Variants in AGAP1 observed in about 807,000 individuals in gnomAD.
AGAP1 encodes arf-GAP with GTPase, ANK repeat and PH domain-containing protein 1.
Under a neutral mutation model 105.3 loss-of-function variants are expected in AGAP1, and 29 were observed. That is an observed-to-expected ratio of 0.28 (90% CI 0.21 to 0.38). The LOEUF is 0.38. Ranked by LOEUF, AGAP1 falls within the 10% of genes least tolerant of loss-of-function variation. The pLI is 1.00. For synonymous variants in AGAP1, 509 were observed against 485.9 expected (o/e 1.05, Z -0.63); for missense variants, 998 against 1,165.1 (o/e 0.86, Z 2.09).
chr2:235,528,155 T>G (rs1160633306), intron 1 of AGAP1, among the ~76,000 whole-genome samples: 3 of 152,176 alleles, frequency 2.0e-5, no homozygotes, highest in Admixed American at 1.3e-4. Context: ...TTGCATTAAC[T>G]CCAGAAAGTT....
chr2:236,008,283 G>T lies in AGAP1; in HGVS notation c.1646-28278G>T, dbSNP rs1451329351. 5.3e-5 allele frequency among the ~76,000 whole-genome samples: 8 copies of T among 152,208 alleles called. No homozygotes were observed. In the East Asian group the frequency reaches 1.3e-3, roughly 26 times the overall value. On this transcript the variant is annotated intron_variant, in intron 13 of 17. Coordinates refer to ENST00000304032, the MANE Select transcript of AGAP1 (RefSeq NM_001037131.3). ...TGTCATATACCCAGAAGTAGGGGAA[G>T]CCCAGGAGCCATGGAGCCTCAGTGT... is the stretch of plus-strand genomic sequence containing the variant.
At chr2:235,630,966 G>A (rs1281137904) in intron 1 of AGAP1, among the ~76,000 whole-genome samples, 1 of 152,212 alleles carries the variant, frequency 6.6e-6, no homozygotes, top group Non-Finnish European at 1.5e-5. Flanking sequence ...CACGAGAGGG[G>A]CAGATTGCGG....
chr2:235,552,124 T>A lies in AGAP1; in HGVS notation c.163+57275T>A, dbSNP rs918941971. On this transcript the variant is annotated intron_variant, in intron 1 of 17. Transcript: ENST00000304032. The surrounding 1 kb of genome is among the most constrained non-coding windows in gnomAD (Gnocchi z 5.9). Reference sequence around the variant, plus strand: ...AACTGGCCGCGGTACTGCCACCCGCTGGAAGGGGCCTGCAGGGAAGTGTTT... The same window carrying A: ...AACTGGCCGCGGTACTGCCACCCGCAGGAAGGGGCCTGCAGGGAAGTGTTT... Among the ~76,000 whole-genome samples the A allele has an allele frequency of 1.3e-5, 2 of 152,142 alleles. No individual in the cohort carries two copies. Among genetic ancestry groups the A allele is most frequent in the Non-Finnish European group, 2.9e-5 (2 of 68,022 alleles).
chr2:235,709,149 T>C (rs1197869489), intron 1 of AGAP1, 30 bp from the exon 2 acceptor site: 7 of 1,612,228 alleles, frequency 4.3e-6, no homozygotes, highest in Admixed American at 1.7e-5. Context: ...TGAGTTATGG[T>C]GTCTGACTTT....
intron 6 of AGAP1, among the ~76,000 whole-genome samples, chr2:235,758,125 A>AGT: frequency 6.6e-6 from 1 of 151,026 alleles, no homozygotes; most frequent in East Asian, 1.9e-4. Flanking sequence ...GATTGGAACT[A>AGT]GTGTGTGTGT....
At chr2:235,922,795 A>G (rs770398559) in intron 11 of AGAP1, among the ~76,000 whole-genome samples, 2 of 152,250 alleles carry the variant, frequency 1.3e-5, no homozygotes, top group Non-Finnish European at 2.9e-5. Context: ...ACTGATATTC[A>G]TTCAGATATA....
intron 1 of AGAP1, among the ~76,000 whole-genome samples, chr2:235,592,873 C>G (rs1945397728): frequency 6.6e-6 from 1 of 152,114 alleles, no homozygotes; most frequent in Admixed American, 6.5e-5. Context: ...GGATCAGCTG[C>G]TGCACAGTTT....
At position 235,553,242 on chromosome 2, in the gene AGAP1, A is replaced by G. The variant is rs1938524521; in HGVS notation, c.163+58393A>G. On this transcript the variant is annotated intron_variant, in intron 1 of 17. Transcript: ENST00000304032. This position sits in a 1 kb window ranked among gnomAD's most constrained non-coding sequence, Gnocchi z 4.5. ...AGTCAGTACAGATTTTAGGCTTTTT[A>G]TATTAAGGGCTGGGGGAAGAGGAGG... 6.7e-6 allele frequency among the ~76,000 whole-genome samples: 1 copy of G among 150,260 alleles called. No individual in the cohort carries two copies. The highest frequency in any genetic ancestry group is 6.6e-5 in the Admixed American group (1 of 15,100).
chr2:235,796,846 T>TTC (rs1957265469), intron 6 of AGAP1, among the ~76,000 whole-genome samples: 1 of 152,232 alleles, frequency 6.6e-6, no homozygotes, highest in African/African-American at 2.4e-5. Flanking sequence ...CACACATCTA[T>TTC]TCAAATCAAA....
rs778413552 is a variant in AGAP1 at position 235,936,340 on chromosome 2, C to T, written c.1483+5417C>T. Among the ~76,000 whole-genome samples, 51 of 152,210 alleles carry T rather than the reference C, an allele frequency of 3.4e-4. No homozygotes were observed. The highest frequency in any genetic ancestry group is 4.1e-4 in the South Asian group (2 of 4,828). On this transcript the variant is annotated intron_variant, in intron 12 of 17. Transcript: ENST00000304032. The surrounding 1 kb of genome is among the most constrained non-coding windows in gnomAD (Gnocchi z 4.7). ...TGTATGCTCTGGTCCCTGTTTCCTT[C>T]TGGCCACGTAATCATTATATCTTTC...
Position 235,769,127 on chromosome 2 carries a change from C to T in AGAP1, c.673+18639C>T, listed in dbSNP as rs1955214542. Among the ~76,000 whole-genome samples, 1 of 152,010 alleles carries T rather than the reference C, an allele frequency of 6.6e-6. No homozygotes were observed. Among genetic ancestry groups the T allele is most frequent in the Admixed American group, 6.6e-5 (1 of 15,264 alleles). Reference sequence around the variant, plus strand: ...ATATTTTGTTTTCCTGGGTATTTTCCCTCTTCTGGGTTCTTAGTGCCCGTC... The same window carrying T: ...ATATTTTGTTTTCCTGGGTATTTTCTCTCTTCTGGGTTCTTAGTGCCCGTC... On this transcript the variant is annotated intron_variant, in intron 6 of 17. Transcript: ENST00000304032. This position sits in a 1 kb window ranked among gnomAD's most constrained non-coding sequence, Gnocchi z 4.4.
rs1486968814 is a variant in AGAP1 at position 235,753,404 on chromosome 2, CATT to C, written c.673+2919_673+2921del. On this transcript the variant is annotated intron_variant, in intron 6 of 17. Coordinates refer to ENST00000304032, the MANE Select transcript of AGAP1 (RefSeq NM_001037131.3). The surrounding 1 kb of genome is among the most constrained non-coding windows in gnomAD (Gnocchi z 4.5). ...TCGTATTATAGAAATAATACACTCTCATTATGTATTCGGATTTTGGCTGGGCGC... is the reference window on the plus strand; with the variant it reads ...TCGTATTATAGAAATAATACACTCTCATGTATTCGGATTTTGGCTGGGCGC... Among the ~76,000 whole-genome samples the C allele has an allele frequency of 6.6e-6, 1 of 152,102 alleles. No homozygotes were observed. Among genetic ancestry groups the C allele is most frequent in the African/African-American group, 2.4e-5 (1 of 41,410 alleles).
chr2:235,581,746 A>T (rs1335231446), intron 1 of AGAP1, among the ~76,000 whole-genome samples: 2 of 152,172 alleles, frequency 1.3e-5, no homozygotes, highest in African/African-American at 2.4e-5. Flanking sequence ...TGGAGGTTGC[A>T]GTGAGCCGAG....
chr2:235,735,497 A>G (rs940595761), intron 3 of AGAP1, among the ~76,000 whole-genome samples: 1 of 152,124 alleles, frequency 6.6e-6, no homozygotes, highest in African/African-American at 2.4e-5. Flanking sequence ...CAGCACCCCA[A>G]ATTTAAAACT....
intron 6 of AGAP1, among the ~76,000 whole-genome samples, chr2:235,791,365 G>T (rs1956964190): frequency 6.6e-6 from 1 of 151,950 alleles, no homozygotes; most frequent in Admixed American, 6.6e-5. Flanking sequence ...TTTATGGGAG[G>T]GTCTCCAGGT....
rs1575496782 is a variant in AGAP1 at position 235,799,747 on chromosome 2, A to C, written c.957+225A>C. Among the ~76,000 whole-genome samples the C allele has an allele frequency of 1.3e-5, 2 of 152,178 alleles. No individual in the cohort carries two copies. The highest frequency in any genetic ancestry group is 3.8e-4 in the East Asian group (2 of 5,198). Reference sequence around the variant, plus strand: ...AGACATTCCTGACTTCGTGTGTCTGAAATGAAGAGCTGGGGGTGTGTATAA... The same window carrying C: ...AGACATTCCTGACTTCGTGTGTCTGCAATGAAGAGCTGGGGGTGTGTATAA... On this transcript the variant is annotated intron_variant, in intron 8 of 17. Coordinates refer to ENST00000304032, the MANE Select transcript of AGAP1 (RefSeq NM_001037131.3). This position sits in a 1 kb window ranked among gnomAD's most constrained non-coding sequence, Gnocchi z 5.0.
chr2:235,512,213 T>G (rs1942177141), intron 1 of AGAP1, among the ~76,000 whole-genome samples: 1 of 152,234 alleles, frequency 6.6e-6, no homozygotes, highest in Non-Finnish European at 1.5e-5. Flanking sequence ...GCATCTTGTT[T>G]GGGAGTTTGG....
At chr2:235,894,168 C>T (rs2050685091) in intron 10 of AGAP1, among the ~76,000 whole-genome samples, 1 of 152,174 alleles carries the variant, frequency 6.6e-6, no homozygotes, top group South Asian at 2.1e-4. Flanking sequence ...CTGTTTTAGG[C>T]AAATGGGAAT....
Position 235,662,447 on chromosome 2 carries a change from G to C in AGAP1, c.164-46732G>C, listed in dbSNP as rs1265148613. The stretch of plus-strand genomic sequence containing the variant: ...CTCACAGCAGTTTTGAAGTAATGTA[G>C]ATTGTGTGGCCATCCCAATTTAGTT... On this transcript the variant is annotated intron_variant, in intron 1 of 17. Coordinates refer to ENST00000304032, the MANE Select transcript of AGAP1 (RefSeq NM_001037131.3). This position sits in a 1 kb window ranked among gnomAD's most constrained non-coding sequence, Gnocchi z 4.2. 6.6e-6 allele frequency among the ~76,000 whole-genome samples: 1 copy of C among 152,024 alleles called. No homozygotes were observed. Among genetic ancestry groups the C allele is most frequent in the Admixed American group, 6.6e-5 (1 of 15,262 alleles).
Sources: gnomAD v4.1 joint callset for allele counts (sites outside exome capture counted in the v4.1 genomes callset) on GRCh38, gnomAD v4.1.1 for gene constraint, Gnocchi (gnomAD v3.1) non-coding constraint, MANE v1.5 for transcripts, NCBI Gene and HGNC (gene_info 2026-07-23, HGNC 2026-07-21) for gene names.